The following NRP2 variants were observed in gnomAD, a reference collection of about 807,000 sequenced individuals.
NRP2 encodes the protein neuropilin-2.
NRP2 carries 52 observed loss-of-function variants against 110.4 expected under a neutral mutation model. That is an observed-to-expected ratio of 0.47 (90% CI 0.38 to 0.59). The LOEUF (loss-of-function observed/expected upper bound fraction) is 0.59. Among genes scored for constraint, NRP2 ranks in the 20% least tolerant of loss-of-function variants. NRP2 has a pLI of 0.00. For missense variants in NRP2, 1,049 were observed against 1,203.0 expected (o/e 0.87, Z 1.89); for synonymous variants, 508 against 468.9 (o/e 1.08, Z -1.08).
intron 15 of NRP2, among the ~76,000 whole-genome samples, chr2:205,783,816 A>G (rs889522500): frequency 1.3e-5 from 2 of 152,236 alleles, no homozygotes; most frequent in Non-Finnish European, 2.9e-5. Context: ...GAAAAGTGTC[A>G]TAACAAAGTG....
chr2:205,702,536 C>G (rs1183106130), intron 2 of NRP2, among the ~76,000 whole-genome samples: 1 of 152,178 alleles, frequency 6.6e-6, no homozygotes, highest in Non-Finnish European at 1.5e-5. Context: ...GGATATTTGC[C>G]TCTAAGTGTC....
intron 15 of NRP2, among the ~76,000 whole-genome samples, chr2:205,772,112 A>G (rs1192137093): frequency 1.3e-5 from 2 of 152,178 alleles, no homozygotes; most frequent in Non-Finnish European, 2.9e-5. Context: ...CTCCACAATT[A>G]TCCTCCAAGT....
At chr2:205,731,545 G>A (rs554268152) in intron 7 of NRP2, among the ~76,000 whole-genome samples, 4 of 152,138 alleles carry the variant, frequency 2.6e-5, no homozygotes, top group South Asian at 2.1e-4. Flanking sequence ...GACAGGACAC[G>A]GGGGAGAGAG....
At position 205,767,301 on chromosome 2, in the gene NRP2, T is replaced by C. The variant is rs558272496; in HGVS notation, c.2425+498T>C. The C allele has an allele frequency of 3.8e-5, 17 of 443,406 alleles. No individual in the cohort carries two copies. The East Asian group carries it at 1.0e-3, about 27-fold the overall frequency. 27.5% of individuals were successfully genotyped at this position (443,406 alleles called of 1,614,324 possible). ...GCTTCTGTGTACAGCCTGCAGTCAGTACCTGCAGTCACCATACCTCAGTGA... is the reference window on the plus strand; with the variant it reads ...GCTTCTGTGTACAGCCTGCAGTCAGCACCTGCAGTCACCATACCTCAGTGA... On this transcript the variant is annotated intron_variant, in intron 15 of 16. Coordinates refer to ENST00000357785, the MANE Select transcript of NRP2 (RefSeq NM_003872.3).
intron 11 of NRP2, 87 bp from the exon 12 acceptor site, chr2:205,752,748 T>C: frequency 7.0e-7 from 1 of 1,435,980 alleles, no homozygotes; most frequent in Non-Finnish European, 9.8e-7. Context: ...CACTCAGGCC[T>C]TGCCAGCCAT....
chr2:205,753,708 G>C (rs974997018), intron 12 of NRP2, among the ~76,000 whole-genome samples: 2 of 152,178 alleles, frequency 1.3e-5, no homozygotes, highest in Non-Finnish European at 1.5e-5. Flanking sequence ...TTTAACAATA[G>C]GCTTTTTAGG....
At position 205,722,571 on chromosome 2, in the gene NRP2, C is replaced by T. The variant is rs1559326820; in HGVS notation, c.527C>T (p.Thr176Ile). 3.7e-6 allele frequency: 6 copies of T among 1,614,208 alleles called. No individual in the cohort carries two copies. Among genetic ancestry groups the T allele is most frequent in the Non-Finnish European group, 3.4e-6 (4 of 1,180,028 alleles). Residue 176 changes from threonine (T) to isoleucine (I), a missense_variant, in exon 4 of 17, where the codon ACC (threonine) becomes ATC (isoleucine). Thr to Ile is a moderately conservative substitution (Grantham distance 89, BLOSUM62 -1). Transcript: ENST00000357785. ...PEKYPHNLDCTFTILAKPKME... is the reference protein window; with the variant it reads ...PEKYPHNLDCIFTILAKPKME... ...AAGTATCCACACAACTTGGACTGCA[C>T]CTTTACCATCCTGGCCAAACCCAAG...
intron 12 of NRP2, among the ~76,000 whole-genome samples, chr2:205,754,847 G>T (rs35093057): frequency 0.035 from 5,291 of 152,188 alleles, 106 homozygotes; most frequent in Middle Eastern, 0.044. Context: ...CAGCAGAGGC[G>T]CTTGGAATAA....
chr2:205,793,239 T>C (rs1334884813), intron 16 of NRP2, among the ~76,000 whole-genome samples: 2 of 152,190 alleles, frequency 1.3e-5, no homozygotes, highest in South Asian at 2.1e-4. Flanking sequence ...GAAAGGGCAA[T>C]GGGTAAGGAG....
intron 13 of NRP2, 105 bp from the exon 14 acceptor site, chr2:205,765,369 T>A: frequency 1.4e-6 from 1 of 710,600 alleles, no homozygotes; most frequent in Non-Finnish European, 2.4e-6. Flanking sequence ...CACACACACA[T>A]ACACACACAC....
At chr2:205,792,376 C>A in intron 16 of NRP2, 91 bp downstream of exon 16, 1 of 891,564 alleles carries the variant, frequency 1.1e-6, no homozygotes, top group Non-Finnish European at 1.9e-6. Flanking sequence ...TATCGGAGGG[C>A]CCAAATCTAG....
At chr2:205,697,441 A>G in intron 1 of NRP2, 103 bp from the exon 2 acceptor site, 1 of 1,092,710 alleles carries the variant, frequency 9.2e-7, no homozygotes, top group South Asian at 1.2e-5. Flanking sequence ...AGGTCTGTAA[A>G]ATAGTTTTAA....
intron 12 of NRP2, chr2:205,759,907 G>C (rs2057794322): frequency 6.6e-6 from 1 of 152,164 alleles, no homozygotes. Flanking sequence ...TATGCAGTAA[G>C]ACTGTCTTTG....
chr2:205,788,553 C>T (rs977180929), intron 15 of NRP2, among the ~76,000 whole-genome samples: 3 of 147,460 alleles, frequency 2.0e-5, no homozygotes, highest in Non-Finnish European at 3.0e-5. Context: ...AGATCAGGTG[C>T]CATGTTTGAA....
chr2:205,773,637 C>T (rs1395158704), intron 15 of NRP2, among the ~76,000 whole-genome samples: 1 of 152,184 alleles, frequency 6.6e-6, no homozygotes, highest in Non-Finnish European at 1.5e-5. Context: ...TTTCACCTTC[C>T]TCCAGCAGGT....
At chr2:205,756,513 A>G (rs1443636181) in intron 12 of NRP2, 2 of 152,220 alleles carry the variant, frequency 1.3e-5, no homozygotes, top group Non-Finnish European at 2.9e-5. Flanking sequence ...TAATTAATTA[A>G]AATGATTACA....
intron 2 of NRP2, chr2:205,701,231 C>T (rs1480052855): frequency 2.0e-5 from 3 of 152,480 alleles, no homozygotes; most frequent in East Asian, 1.9e-4. Flanking sequence ...CCAAATAAAA[C>T]CAAAACCAGG....
rs749862348 is a variant in NRP2, at chr2:205,723,881, C to T, written c.761C>T (p.Ala254Val). 5.0e-6 allele frequency: 8 copies of T among 1,614,162 alleles called. No homozygotes were observed. The highest frequency in any genetic ancestry group is 1.7e-5 in the Admixed American group (1 of 60,034). The part of the protein sequence containing the change: ...ILSLTFHTDM[A>V]VAKDGFSARY... ...TCCCTGACCTTTCACACGGACATGG[C>T]GGTGGCCAAGGATGGCTTCTCTGCG... is the stretch of plus-strand genomic sequence containing the variant. The change falls in exon 5 of 17, where the codon GCG (alanine) becomes GTG (valine). Residue 254 changes from alanine (A) to valine (V), a missense_variant. Ala to Val is a moderately conservative substitution (Grantham distance 64). Coordinates refer to ENST00000357785, the MANE Select transcript of NRP2 (RefSeq NM_003872.3).
intron 15 of NRP2, among the ~76,000 whole-genome samples, chr2:205,781,340 T>A (rs1282465993): frequency 6.6e-6 from 1 of 152,254 alleles, no homozygotes; most frequent in Non-Finnish European, 1.5e-5. Context: ...TCAGAAATTT[T>A]GTTTCCATGG....
Sources: allele counts gnomAD v4.1 joint callset (sites outside exome capture counted in the v4.1 genomes callset), GRCh38; gene constraint gnomAD v4.1.1; transcripts MANE v1.5; gene names NCBI Gene and HGNC (gene_info 2026-07-23, HGNC 2026-07-21).